ZNF284: variants seen among roughly 807,000 people sequenced by gnomAD.
ZNF284 encodes the protein zinc finger protein 284.
A neutral mutation model predicts 12.9 loss-of-function variants in ZNF284; 12 were observed. The ratio of observed to expected loss-of-function variants is 0.93; its 90% confidence interval spans 0.60 to 1.51. The LOEUF (loss-of-function observed/expected upper bound fraction) is 1.51, where lower values mean the gene tolerates loss of function less well. Ranked by LOEUF, ZNF284 falls within the 40% of genes most tolerant of loss-of-function variation. ZNF284 has a pLI of 0.00. For missense variants in ZNF284, 667 were observed against 707.3 expected (o/e 0.94, Z 0.65); for synonymous variants, 225 against 236.5 (o/e 0.95, Z 0.45).
intron 2 of ZNF284, among the ~76,000 whole-genome samples, chr19:44,079,946 G>T (rs1411605641): frequency 6.6e-6 from 1 of 152,002 alleles, no homozygotes. Flanking sequence ...AGACAAAAAG[G>T]TAATAAAATT....
chr19:44,082,205 C>G, intron 4 of ZNF284, 100 bp downstream of exon 4: 1 of 899,246 alleles, frequency 1.1e-6, no homozygotes, highest in Non-Finnish European at 1.7e-6. Context: ...ATGGCCAAAC[C>G]TGTTTCCTGG....
rs373032605 is a variant in ZNF284 at position 44,086,995 on chromosome 19, C to A, written c.1517C>A (p.Thr506Asn). 8 of 1,614,176 alleles carry A rather than the reference C, an allele frequency of 5.0e-6. No homozygotes were observed. In the South Asian group the frequency reaches 8.8e-5, roughly 18 times the overall value. Reference sequence around the variant, plus strand: ...CTTCGTTTCCATCAAAGAATTCACACTGGAGAAAAGCCTTACAAATGTGAG... The same window carrying A: ...CTTCGTTTCCATCAAAGAATTCACAATGGAGAAAAGCCTTACAAATGTGAG... ...SKLRFHQRIH[T>N]GEKPYKCEEC... is the part of the protein sequence containing the mutation. The change falls in exon 5 of 5, where the codon ACT becomes AAT. Residue 506 changes from threonine to asparagine, a missense_variant. By Grantham distance (65) the Thr-to-Asn change is moderately conservative. Coordinates refer to ENST00000421176, the MANE Select transcript of ZNF284 (RefSeq NM_001037813.4).
At chr19:44,083,837 G>GC (rs1967178084) in intron 4 of ZNF284, among the ~76,000 whole-genome samples, 1 of 152,030 alleles carries the variant, frequency 6.6e-6, no homozygotes. Context: ...CAGTCCTGAG[G>GC]CCCCCACATG....
intron 2 of ZNF284, among the ~76,000 whole-genome samples, chr19:44,080,216 A>C (rs981938511): frequency 3.9e-5 from 6 of 152,172 alleles, no homozygotes; most frequent in Admixed American, 1.3e-4. Context: ...TGCAATTAAT[A>C]TATGTAGTTT....
At chr19:44,083,502 GGGAA>G (rs1967169513) in intron 4 of ZNF284, among the ~76,000 whole-genome samples, 1 of 37,924 alleles carries the variant, frequency 2.6e-5, no homozygotes, top group Non-Finnish European at 1.0e-4. Context: ...GAGAGAGAGA[GGGAA>G]TGGAATACCA....
intron 1 of ZNF284, among the ~76,000 whole-genome samples, chr19:44,075,601 G>T (rs531306475): frequency 6.6e-6 from 1 of 152,238 alleles, no homozygotes; most frequent in African/African-American, 2.4e-5. Context: ...TCCTTATGGG[G>T]AGATACATGA....
At position 44,073,925 on chromosome 19, in the gene ZNF284, A is replaced by G. The variant is rs116208003; in HGVS notation, c.-69+1634A>G. Among the ~76,000 whole-genome samples, 367 of 152,346 alleles carry G rather than the reference A, an allele frequency of 2.4e-3. 1 individual carries two copies. The highest frequency in any genetic ancestry group is 7.9e-3 in the African/African-American group (330 of 41,578). ...TAAACAAAATTTTATGATTAAAAAAATGTGTTTTCCCTTATGTGTTTAACT... is the reference window on the plus strand; with the variant it reads ...TAAACAAAATTTTATGATTAAAAAAGTGTGTTTTCCCTTATGTGTTTAACT... On this transcript the variant is annotated intron_variant, in intron 1 of 4. Coordinates refer to ENST00000421176, the MANE Select transcript of ZNF284 (RefSeq NM_001037813.4).
chr19:44,076,269 G>T, intron 1 of ZNF284, 53 bp from the exon 2 acceptor site: 1 of 964,486 alleles, frequency 1.0e-6, no homozygotes, highest in South Asian at 1.5e-5. Context: ...TGGCATCACT[G>T]ACCACCCCTT....
intron 1 of ZNF284, among the ~76,000 whole-genome samples, chr19:44,072,857 A>G: frequency 6.6e-6 from 1 of 152,246 alleles, no homozygotes; most frequent in African/African-American, 2.4e-5. Context: ...CAATGCGGTC[A>G]GGGTGTTTCA....
At chr19:44,083,474 T>TAGAGAGAGAGAGAGAGAG (rs60441974) in intron 4 of ZNF284, among the ~76,000 whole-genome samples, 1 of 64,926 alleles carries the variant, frequency 1.5e-5, no homozygotes, top group African/African-American at 5.0e-5. Context: ...TATATATATA[T>TAGAGAGAGAGAGAGAGAG]AGAGAGAGAG....
chr19:44,086,025 AG>A lies in ZNF284; in HGVS notation c.548del (p.Arg183AsnfsTer228), dbSNP rs1407062977. On this transcript the variant is annotated frameshift_variant, in exon 5 of 5. Transcript: ENST00000421176. LOFTEE classifies it low-confidence loss of function (END_TRUNC). ...ISHTCNEYRK[R>X]FCYSSALCLH... Reference sequence around the variant, plus strand: ...CCATACATGTAATGAGTACAGGAAGAGATTCTGTTATAGCTCAGCTCTTTGT... The same window carrying A: ...CCATACATGTAATGAGTACAGGAAGAATTCTGTTATAGCTCAGCTCTTTGT... 6.2e-7 allele frequency: 1 copy of A among 1,614,180 alleles called. No individual in the cohort carries two copies. The highest frequency in any genetic ancestry group is 1.7e-5 in the Admixed American group (1 of 60,030).
chr19:44,083,264 A>T (rs555618266), intron 4 of ZNF284, among the ~76,000 whole-genome samples: 3 of 151,060 alleles, frequency 2.0e-5, no homozygotes, highest in Non-Finnish European at 4.4e-5. Flanking sequence ...GCAAAACCTG[A>T]CTCTACTAAA....
intron 2 of ZNF284, 28 bp from the exon 3 acceptor site, chr19:44,080,987 T>C (rs1005897328): frequency 1.2e-6 from 2 of 1,603,132 alleles, no homozygotes; most frequent in Non-Finnish European, 1.7e-6. Flanking sequence ...GGTCATGAGA[T>C]TGAGATTGCA....
Position 44,086,366 on chromosome 19 carries a change from C to T in ZNF284, c.888C>T (p.Phe296=). Residue 296 remains phenylalanine, a synonymous_variant, in exon 5 of 5, where the codon TTC becomes TTT. Coordinates refer to ENST00000421176, the MANE Select transcript of ZNF284 (RefSeq NM_001037813.4). ...PFKCYICGKS[F]HSRSNLNRHS... ...AATGTTATATATGTGGTAAGAGCTT[C>T]CATAGTAGATCAAATCTTAATAGGC... 1 of 1,614,068 alleles carries T rather than the reference C, an allele frequency of 6.2e-7. No individual in the cohort carries two copies. The highest frequency in any genetic ancestry group is 8.5e-7 in the Non-Finnish European group (1 of 1,180,010).
chr19:44,077,785 GAAGA>G (rs962348227), intron 2 of ZNF284, among the ~76,000 whole-genome samples: 4 of 152,086 alleles, frequency 2.6e-5, no homozygotes, highest in Non-Finnish European at 5.9e-5. Context: ...AGAGAGAGAA[GAAGA>G]AAGAGGATTC....
rs1484787419 is a variant in ZNF284, at chr19:44,086,391, C to T, written c.913C>T (p.His305Tyr). The change falls in exon 5 of 5, where the codon CAT becomes TAT. Residue 305 changes from histidine to tyrosine, a missense_variant. Coordinates refer to ENST00000421176, the MANE Select transcript of ZNF284 (RefSeq NM_001037813.4). ...SFHSRSNLNRHSMVHMQEKSF... is the reference protein window; with the variant it reads ...SFHSRSNLNRYSMVHMQEKSF... ...CCATAGTAGATCAAATCTTAATAGGCATTCCATGGTCCACATGCAAGAGAA... is the reference window on the plus strand; with the variant it reads ...CCATAGTAGATCAAATCTTAATAGGTATTCCATGGTCCACATGCAAGAGAA... The T allele has an allele frequency of 6.2e-7, 1 of 1,614,008 alleles. No homozygotes were observed. Among genetic ancestry groups the T allele is most frequent in the Non-Finnish European group, 8.5e-7 (1 of 1,179,954 alleles).
chr19:44,086,184 T>G lies in ZNF284; in HGVS notation c.706T>G (p.Cys236Gly), dbSNP rs754651848. The G allele has an allele frequency of 1.1e-5, 18 of 1,614,028 alleles. No homozygotes were observed. The highest frequency in any genetic ancestry group is 1.5e-5 in the Non-Finnish European group (18 of 1,180,028). The change falls in exon 5 of 5, where the codon TGT becomes GGT. Residue 236 changes from cysteine (C) to glycine (G), a missense_variant. Coordinates refer to ENST00000421176, the MANE Select transcript of ZNF284 (RefSeq NM_001037813.4). ...AGAGAAACCATTCAAATGTGAGCAG[T>G]GTGGGAAAAGTTTCAGCCGTAGATC... ...TGEKPFKCEQ[C>G]GKSFSRRSGM...
rs1858102095 is a variant in ZNF284, at chr19:44,087,296, A to G, written c.*36A>G. On this transcript the variant is annotated 3_prime_UTR_variant, in exon 5 of 5. Transcript: ENST00000421176. ...TATTTATGGGTTACAGCATATTTCAATACATGTATACAATGTATAATGATC... is the reference window on the plus strand; with the variant it reads ...TATTTATGGGTTACAGCATATTTCAGTACATGTATACAATGTATAATGATC... 1 of 1,364,388 alleles carries G rather than the reference A, an allele frequency of 7.3e-7. No homozygotes were observed. The highest frequency in any genetic ancestry group is 9.9e-7 in the Non-Finnish European group (1 of 1,014,090). The allele number at this position is 1,364,388 out of a possible 1,614,324, so 84.5% of individuals were successfully genotyped here.
intron 1 of ZNF284, 86 bp downstream of exon 1, chr19:44,072,377 G>A (rs546999554): frequency 6.6e-6 from 1 of 152,422 alleles, no homozygotes; most frequent in Admixed American, 6.5e-5. Context: ...CCGGGCATGA[G>A]GCTGGGGGTT....
Sources: gnomAD v4.1 joint callset for allele counts (sites outside exome capture counted in the v4.1 genomes callset) on GRCh38, gnomAD v4.1.1 for gene constraint, MANE v1.5 for transcripts, NCBI Gene and HGNC (gene_info 2026-07-23, HGNC 2026-07-21) for gene names.